The following NALF1 variants were observed in gnomAD, a reference collection of about 807,000 sequenced individuals.
NALF1 encodes NALCN channel auxiliary factor 1.
Under a neutral mutation model 48.4 loss-of-function variants are expected in NALF1, and 3 were observed. The observed-to-expected ratio is 0.06, with a 90% CI of 0.03 to 0.16. The LOEUF (loss-of-function observed/expected upper bound fraction) is 0.16, where lower values mean the gene tolerates loss of function less well. NALF1 is among the 10% of genes least tolerant of loss of function. NALF1 has a pLI of 1.00. For synonymous variants in NALF1, 262 were observed against 245.7 expected (o/e 1.07, Z -0.62); for missense variants, 526 against 571.5 (o/e 0.92, Z 0.81).
At chr13:107,493,562 T>C (rs1875219590) in intron 1 of NALF1, among the ~76,000 whole-genome samples, 1 of 151,842 alleles carries the variant, frequency 6.6e-6, no homozygotes, top group Non-Finnish European at 1.5e-5. Context: ...TCTGAGGGGG[T>C]TGGAACAAAT....
Position 107,726,969 on chromosome 13 carries a change from A to T in NALF1, c.915+138713T>A, listed in dbSNP as rs2391567. ...TGTGTGTGTGTGTGTGTGTGAAATG[A>T]AGACTCCTTCTTTTGTATTTTTAGG... On this transcript the variant is annotated intron_variant, in intron 1 of 2. Coordinates refer to ENST00000375915, the MANE Select transcript of NALF1 (RefSeq NM_001080396.3). Among the ~76,000 whole-genome samples the T allele has an allele frequency of 5.9e-4, 85 of 145,298 alleles. 1 individual carries two copies. Among genetic ancestry groups the T allele is most frequent in the Non-Finnish European group, 5.9e-4 (40 of 67,268 alleles).
At chr13:107,258,775 ATGTTT>A in intron 1 of NALF1, among the ~76,000 whole-genome samples, 1 of 118,976 alleles carries the variant, frequency 8.4e-6, no homozygotes, top group African/African-American at 3.9e-5. Context: ...AAAAGGAAAC[ATGTTT>A]ATGAAAGGCT....
At chr13:107,712,962 G>A (rs1244462986) in intron 1 of NALF1, among the ~76,000 whole-genome samples, 2 of 152,134 alleles carry the variant, frequency 1.3e-5, no homozygotes, top group Admixed American at 1.3e-4. Context: ...TCTGGAGGTG[G>A]ACTGTGTCCA....
chr13:107,678,301 G>A (rs1265223789), intron 1 of NALF1, among the ~76,000 whole-genome samples: 3 of 152,250 alleles, frequency 2.0e-5, no homozygotes, highest in South Asian at 2.1e-4. Context: ...TGAGGGCCAC[G>A]ACAGGGAGGG....
At chr13:107,844,087 C>G (rs1014512037) in intron 1 of NALF1, among the ~76,000 whole-genome samples, 1 of 152,000 alleles carries the variant, frequency 6.6e-6, no homozygotes, top group Non-Finnish European at 1.5e-5. Context: ...CTTCTCTTAC[C>G]CAATCTCTAA....
In NALF1 at chr13:107,240,684, A is replaced by C. The variant is rs1403842344; in HGVS notation, c.916-29929T>G. ...TCTGTAGTATATTGTATCAGGACACATTTTTAAGAATTCCATTAAAATATA... is the reference window on the plus strand; with the variant it reads ...TCTGTAGTATATTGTATCAGGACACCTTTTTAAGAATTCCATTAAAATATA... On this transcript the variant is annotated intron_variant, in intron 1 of 2. Coordinates refer to ENST00000375915, the MANE Select transcript of NALF1 (RefSeq NM_001080396.3). 2.0e-5 allele frequency among the ~76,000 whole-genome samples: 3 copies of C among 152,190 alleles called. No homozygotes were observed. The East Asian group carries it at 5.8e-4, about 29-fold the overall frequency.
At chr13:107,315,520 A>C (rs913864771) in intron 1 of NALF1, among the ~76,000 whole-genome samples, 2 of 152,158 alleles carry the variant, frequency 1.3e-5, no homozygotes, top group Non-Finnish European at 2.9e-5. Flanking sequence ...AATGTAAAAT[A>C]CATAAAAACT....
intron 1 of NALF1, among the ~76,000 whole-genome samples, chr13:107,785,080 G>GTA (rs1363311040): frequency 6.6e-6 from 1 of 151,478 alleles, no homozygotes; most frequent in Non-Finnish European, 1.5e-5. Flanking sequence ...GTGTGTGTAT[G>GTA]TATATATACA....
chr13:107,174,363 ATTTT>A (rs376258353), intron 2 of NALF1, among the ~76,000 whole-genome samples: 1 of 144,256 alleles, frequency 6.9e-6, no homozygotes, highest in African/African-American at 2.5e-5. Context: ...TTATTTATTT[ATTTT>A]TTTTTTTGAG....
rs1250698929 is a variant in NALF1 at position 107,287,385 on chromosome 13, C to T, written c.916-76630G>A. 2.6e-5 allele frequency among the ~76,000 whole-genome samples: 4 copies of T among 152,274 alleles called. No homozygotes were observed. In the East Asian group the frequency reaches 5.8e-4, roughly 22 times the overall value. On this transcript the variant is annotated intron_variant, in intron 1 of 2. Transcript: ENST00000375915. The stretch of plus-strand genomic sequence containing the variant: ...AGTTCAGGTATTTCCCATTCAGCAG[C>T]GACACACACAAATGCACATGACAAG...
At chr13:107,622,569 A>T (rs1879554611) in intron 1 of NALF1, among the ~76,000 whole-genome samples, 1 of 152,132 alleles carries the variant, frequency 6.6e-6, no homozygotes, top group Non-Finnish European at 1.5e-5. Context: ...CTTAACAGAG[A>T]GGTAAGCTAC....
intron 1 of NALF1, among the ~76,000 whole-genome samples, chr13:107,446,675 C>A (rs1198067307): frequency 2.0e-5 from 3 of 152,126 alleles, no homozygotes; most frequent in African/African-American, 7.2e-5. Flanking sequence ...CTAACACTTT[C>A]TGTTTCTTAA....
Position 107,456,633 on chromosome 13 carries a change from G to A in NALF1, c.916-245878C>T, listed in dbSNP as rs1304653908. Among the ~76,000 whole-genome samples, 5 of 152,214 alleles carry A rather than the reference G, an allele frequency of 3.3e-5. No individual in the cohort carries two copies. In the South Asian group the frequency reaches 1.0e-3, roughly 32 times the overall value. On this transcript the variant is annotated intron_variant, in intron 1 of 2. Coordinates refer to ENST00000375915, the MANE Select transcript of NALF1 (RefSeq NM_001080396.3). The stretch of plus-strand genomic sequence containing the variant: ...TTTCATGGATGATATGTAATGTGCT[G>A]CCAACACTCTGACCTCTCGTTACAG...
At chr13:107,436,285 A>T (rs536689731) in intron 1 of NALF1, among the ~76,000 whole-genome samples, 2 of 152,344 alleles carry the variant, frequency 1.3e-5, no homozygotes, top group African/African-American at 4.8e-5. Context: ...GAAGTAAACA[A>T]TTTACAAAAC....
chr13:107,610,271 G>A (rs1187289380), intron 1 of NALF1, among the ~76,000 whole-genome samples: 1 of 152,110 alleles, frequency 6.6e-6, no homozygotes, highest in African/African-American at 2.4e-5. Context: ...GTATACACTA[G>A]ACAATCACTC....
intron 1 of NALF1, among the ~76,000 whole-genome samples, chr13:107,802,165 TTGTG>T (rs1420951677): frequency 6.6e-6 from 1 of 152,210 alleles, no homozygotes; most frequent in African/African-American, 2.4e-5. Context: ...CATCATTTGT[TTGTG>T]TAATAATTTT....
chr13:107,216,969 A>C (rs751137753), intron 1 of NALF1, among the ~76,000 whole-genome samples: 14 of 152,232 alleles, frequency 9.2e-5, no homozygotes, highest in Non-Finnish European at 1.6e-4. Context: ...TTAGGAAAAA[A>C]GGGAAACCTA....
chr13:107,720,751 C>T (rs995004751), intron 1 of NALF1, among the ~76,000 whole-genome samples: 1 of 152,164 alleles, frequency 6.6e-6, no homozygotes, highest in Admixed American at 6.5e-5. Flanking sequence ...TTCTAATCCA[C>T]GTCCTTTTAC....
At chr13:107,585,841 C>G (rs1482573110) in intron 1 of NALF1, among the ~76,000 whole-genome samples, 1 of 152,146 alleles carries the variant, frequency 6.6e-6, no homozygotes, top group Non-Finnish European at 1.5e-5. Context: ...CTTAATCACT[C>G]ATTTCACAAA....
Sources: gnomAD v4.1 joint callset for allele counts (sites outside exome capture counted in the v4.1 genomes callset) on GRCh38, gnomAD v4.1.1 for gene constraint, MANE v1.5 for transcripts, NCBI Gene and HGNC (gene_info 2026-07-23, HGNC 2026-07-21) for gene names.